The following RBFOX1 variants were observed in gnomAD, a reference collection of about 807,000 sequenced individuals.
RBFOX1 encodes the protein RNA binding fox-1 homolog 1.
RBFOX1 carries 8 observed loss-of-function variants against 57.7 expected under a neutral mutation model. That is an observed-to-expected ratio of 0.14 (90% CI 0.08 to 0.25). RBFOX1 has a LOEUF of 0.25. Among genes scored for constraint, RBFOX1 ranks in the 10% least tolerant of loss-of-function variants. The probability of loss-of-function intolerance (pLI) is 1.00; values close to 1 mark genes in which losing one functional copy is unlikely to be tolerated. For missense variants in RBFOX1, 611 were observed against 548.5 expected, an observed-to-expected ratio of 1.11 and a Z score of -1.14; for synonymous variants, 326 against 222.4, an observed-to-expected ratio of 1.47 and a Z score of -4.15.
At chr16:6,388,337 G>A (rs1279459952) in intron 2 of RBFOX1, among the ~76,000 whole-genome samples, 1 of 151,978 alleles carries the variant, frequency 6.6e-6, no homozygotes, top group Non-Finnish European at 1.5e-5. Context: ...AGCCATTTTG[G>A]CACCATGTGG....
At chr16:5,823,406 G>A (rs1335392882) in intron 3 of RBFOX1, among the ~76,000 whole-genome samples, 1 of 152,168 alleles carries the variant, frequency 6.6e-6, no homozygotes, top group Non-Finnish European at 1.5e-5. Context: ...ATGCAACATA[G>A]CATGTGAAGT....
chr16:6,436,145 C>T (rs887908530), intron 2 of RBFOX1, among the ~76,000 whole-genome samples: 2 of 152,028 alleles, frequency 1.3e-5, no homozygotes, highest in African/African-American at 4.8e-5. Context: ...ATTTTCTCTT[C>T]TGGTTAAAAA....
intron 3 of RBFOX1, among the ~76,000 whole-genome samples, chr16:6,798,809 T>C (rs2084693286): frequency 6.6e-6 from 1 of 152,162 alleles, no homozygotes; most frequent in South Asian, 2.1e-4. Flanking sequence ...ATTGAGCATC[T>C]GTGATTAGAT....
At chr16:7,070,770 G>C (rs1463105530) in intron 4 of RBFOX1, among the ~76,000 whole-genome samples, 2 of 152,148 alleles carry the variant, frequency 1.3e-5, no homozygotes, top group Non-Finnish European at 2.9e-5. Context: ...CTGAAGAATT[G>C]AGGTTTAGCC....
intron 3 of RBFOX1, among the ~76,000 whole-genome samples, chr16:6,918,275 C>T (rs975377369): frequency 7.7e-6 from 1 of 130,012 alleles, no homozygotes; most frequent in African/African-American, 3.0e-5. Flanking sequence ...GAGCAAGACT[C>T]CATCTCAAAA....
At chr16:6,955,656 C>G (rs966843266) in intron 3 of RBFOX1, among the ~76,000 whole-genome samples, 1 of 151,498 alleles carries the variant, frequency 6.6e-6, no homozygotes, top group African/African-American at 2.4e-5. Flanking sequence ...TCATCTTTTG[C>G]TACACCACCA....
At chr16:6,538,829 A>T (rs2096771193) in intron 2 of RBFOX1, among the ~76,000 whole-genome samples, 1 of 152,054 alleles carries the variant, frequency 6.6e-6, no homozygotes, top group African/African-American at 2.4e-5. Context: ...TCCTGTATCC[A>T]TTCAGTAGCC....
intron 2 of RBFOX1, among the ~76,000 whole-genome samples, chr16:5,557,365 T>G (rs2045719710): frequency 6.6e-6 from 1 of 151,822 alleles, no homozygotes; most frequent in Admixed American, 6.6e-5. Context: ...AGGCAGACAT[T>G]TGAGAGGTAC....
chr16:7,602,132 T>G (rs1442036099), intron 9 of RBFOX1, among the ~76,000 whole-genome samples: 1 of 152,214 alleles, frequency 6.6e-6, no homozygotes, highest in Non-Finnish European at 1.5e-5. Flanking sequence ...GTGCTGATGT[T>G]TTTTGTGTAC....
intron 4 of RBFOX1, among the ~76,000 whole-genome samples, chr16:7,121,161 C>T (rs987326482): frequency 6.6e-6 from 1 of 152,022 alleles, no homozygotes; most frequent in Non-Finnish European, 1.5e-5. Context: ...TAATATCATA[C>T]TTATTGGTGA....
chr16:7,011,482 T>C (rs1327516834), intron 3 of RBFOX1, among the ~76,000 whole-genome samples: 1 of 151,874 alleles, frequency 6.6e-6, no homozygotes, highest in African/African-American at 2.4e-5. Context: ...GTTGTGTGTG[T>C]TTGTTTGTTT....
At chr16:6,519,622 A>G (rs2096461019) in intron 2 of RBFOX1, among the ~76,000 whole-genome samples, 1 of 152,062 alleles carries the variant, frequency 6.6e-6, no homozygotes, top group African/African-American at 2.4e-5. Context: ...AATTGCTTGA[A>G]CCCGGGAGGT....
At position 7,456,379 on chromosome 16, in the gene RBFOX1, A is replaced by G. The variant is rs141822510; in HGVS notation, c.28-61768A>G. On this transcript the variant is annotated intron_variant, in intron 4 of 15. Transcript: ENST00000550418. ...GTATAGTCACCCAAGTACATCTGCT[A>G]TGTTGATATATCACTTGTTTTATGG... Among the ~76,000 whole-genome samples the G allele has an allele frequency of 1.1e-4, 17 of 152,334 alleles. No individual in the cohort carries two copies. In the East Asian group the frequency reaches 2.1e-3, roughly 19 times the overall value.
intron 4 of RBFOX1, among the ~76,000 whole-genome samples, chr16:7,149,172 T>G (rs988636520): frequency 1.3e-5 from 2 of 152,236 alleles, no homozygotes; most frequent in African/African-American, 4.8e-5. Flanking sequence ...CTGCCCAGTT[T>G]CCCCAATTCT....
At chr16:5,358,697 T>C (rs2341526) in intron 1 of RBFOX1, among the ~76,000 whole-genome samples, 152,237 of 152,374 alleles carry the variant, frequency 1, 76,050 homozygotes, top group Non-Finnish European at 1. Context: ...GTGGCGCATG[T>C]ATGCCTATAA....
intron 7 of RBFOX1, 116 bp downstream of exon 7, chr16:7,587,416 G>A (rs2094188166): frequency 8.7e-7 from 1 of 1,144,086 alleles, no homozygotes; most frequent in Non-Finnish European, 1.1e-6. Flanking sequence ...ACTTCAGTGG[G>A]AATTCCTTTA....
In RBFOX1 at chr16:5,618,934, A is replaced by T. The variant is rs371153261; in HGVS notation, c.318+19973A>T. 1.8e-3 allele frequency among the ~76,000 whole-genome samples: 279 copies of T among 152,270 alleles called. 1 individual carries two copies. The highest frequency in any genetic ancestry group is 6.2e-3 in the African/African-American group (259 of 41,558). ...ATCTGGAGAGCTCCAGGTAGGGCAG[A>T]TGACTTTGGGTAGCTGATGGGTGCC... On this transcript the variant is annotated intron_variant, in intron 3 of 19. Coordinates refer to the RBFOX1 transcript ENST00000641259.
intron 3 of RBFOX1, among the ~76,000 whole-genome samples, chr16:6,915,799 G>C (rs1338596031): frequency 6.6e-6 from 1 of 152,062 alleles, no homozygotes; most frequent in Non-Finnish European, 1.5e-5. Flanking sequence ...TGATCTGCCT[G>C]CCCTGGCCTC....
intron 3 of RBFOX1, among the ~76,000 whole-genome samples, chr16:5,668,212 C>T (rs908702570): frequency 3.4e-4 from 51 of 152,118 alleles, no homozygotes; most frequent in Middle Eastern, 3.4e-3. Flanking sequence ...ACCCGGGAGG[C>T]GGAGGTTGCA....
Sources: gnomAD v4.1 joint callset for allele counts (sites outside exome capture counted in the v4.1 genomes callset) on GRCh38, gnomAD v4.1.1 for gene constraint, MANE v1.5 for transcripts, NCBI Gene and HGNC (gene_info 2026-07-23, HGNC 2026-07-21) for gene names.